STK32B: variants seen among roughly 807,000 people sequenced by gnomAD.
The protein encoded by STK32B is serine/threonine-protein kinase 32B.
Under a neutral mutation model 52.6 loss-of-function variants are expected in STK32B, and 43 were observed. The observed-to-expected ratio is 0.82, with a 90% CI of 0.64 to 1.05. The LOEUF is 1.05. Among genes scored for constraint, STK32B ranks in the 50% least tolerant of loss-of-function variants. The pLI, the probability that STK32B is intolerant of heterozygous loss-of-function variation, is 0.00. For synonymous variants in STK32B, 238 were observed against 204.3 expected, an observed-to-expected ratio of 1.17 and a Z score of -1.41; for missense variants, 621 against 534.6, an observed-to-expected ratio of 1.16 and a Z score of -1.59.
intron 6 of STK32B, among the ~76,000 whole-genome samples, chr4:5,444,849 C>T (rs1340331311): frequency 6.6e-6 from 1 of 152,234 alleles, no homozygotes; most frequent in Non-Finnish European, 1.5e-5. Flanking sequence ...TAACAGGTAA[C>T]TCCAGCAGCA....
intron 3 of STK32B, among the ~76,000 whole-genome samples, chr4:5,198,942 T>G (rs1721911094): frequency 6.6e-6 from 1 of 150,508 alleles, no homozygotes; most frequent in Non-Finnish European, 1.5e-5. Flanking sequence ...TGTACTTTTG[T>G]ATGAGGTGCA....
chr4:5,400,983 G>C lies in STK32B; in HGVS notation c.472+2739G>C, dbSNP rs1243220517. ...AAGGTGTGTGCGGGGTTGTCTTAGA[G>C]GCAGCCGCATGACAGTGGGATCCTG... is the stretch of plus-strand genomic sequence containing the variant. On this transcript the variant is annotated intron_variant, in intron 5 of 11. Transcript: ENST00000282908. The surrounding 1 kb of genome is among the most constrained non-coding windows in gnomAD (Gnocchi z 6.1). Among the ~76,000 whole-genome samples the C allele has an allele frequency of 6.6e-6, 1 of 152,258 alleles. No individual in the cohort carries two copies. The highest frequency in any genetic ancestry group is 2.1e-4 in the South Asian group (1 of 4,816).
At chr4:5,387,206 T>G (rs1210623726) in intron 4 of STK32B, among the ~76,000 whole-genome samples, 5 of 152,316 alleles carry the variant, frequency 3.3e-5, no homozygotes. Flanking sequence ...CTGATTGGCC[T>G]TGTACGGAAG....
chr4:5,301,386 C>T (rs1230479843), intron 3 of STK32B, among the ~76,000 whole-genome samples: 1 of 152,060 alleles, frequency 6.6e-6, no homozygotes, highest in African/African-American at 2.4e-5. Context: ...GTGAAGCCAT[C>T]TGAGTCTGGG....
chr4:5,491,242 C>A (rs971935811), intron 11 of STK32B, among the ~76,000 whole-genome samples: 9 of 152,154 alleles, frequency 5.9e-5, no homozygotes, highest in Admixed American at 5.2e-4. Context: ...CCTGTTGTTT[C>A]CTGACTTTTT....
chr4:5,392,222 G>A lies in STK32B; in HGVS notation c.435-5985G>A, dbSNP rs182533540. On this transcript the variant is annotated intron_variant, in intron 4 of 11. Transcript: ENST00000282908. ...GGCCGAGGCGGGTGGATCACTTGAGGTCAGGAGTTTGAGACCAGCATGGTG... is the reference window on the plus strand; with the variant it reads ...GGCCGAGGCGGGTGGATCACTTGAGATCAGGAGTTTGAGACCAGCATGGTG... 2.0e-5 allele frequency among the ~76,000 whole-genome samples: 3 copies of A among 152,240 alleles called. No individual in the cohort carries two copies. In the East Asian group the frequency reaches 5.8e-4, roughly 29 times the overall value.
chr4:5,081,964 C>G (rs962796614), intron 1 of STK32B, among the ~76,000 whole-genome samples: 1 of 152,136 alleles, frequency 6.6e-6, no homozygotes, highest in Non-Finnish European at 1.5e-5. Context: ...TTGTTTGTTT[C>G]TGGCACCCTT....
At chr4:5,123,802 A>T (rs994255093) in intron 1 of STK32B, among the ~76,000 whole-genome samples, 2 of 151,808 alleles carry the variant, frequency 1.3e-5, no homozygotes. Flanking sequence ...GATTCAGCAC[A>T]TGAGTTTTGG....
intron 3 of STK32B, among the ~76,000 whole-genome samples, chr4:5,281,830 ATTCTAT>A (rs1301257644): frequency 6.6e-6 from 1 of 152,154 alleles, no homozygotes; most frequent in Non-Finnish European, 1.5e-5. Context: ...CATTGAACAG[ATTCTAT>A]TTCTTAAGTT....
intron 1 of STK32B, among the ~76,000 whole-genome samples, chr4:5,108,893 G>A (rs1210777355): frequency 3.3e-5 from 5 of 152,124 alleles, no homozygotes; most frequent in Admixed American, 2.6e-4. Context: ...GAATAGTTAC[G>A]TTACATCTGC....
chr4:5,245,658 T>C (rs559996354), intron 3 of STK32B, among the ~76,000 whole-genome samples: 77 of 152,328 alleles, frequency 5.1e-4, no homozygotes, highest in African/African-American at 1.8e-3. Context: ...ATGCAGTTTC[T>C]TCCTAGCCTC....
In STK32B at chr4:5,226,666, G is replaced by A. The variant is rs568862975; in HGVS notation, c.260+58216G>A. On this transcript the variant is annotated intron_variant, in intron 3 of 11. Coordinates refer to ENST00000282908, the MANE Select transcript of STK32B (RefSeq NM_018401.3). ...TCCAAGTAGCCCTTACTTAATAACG[G>A]CCCCAAAGCACAAGAGAAGTGAAGT... Among the ~76,000 whole-genome samples, 29 of 152,222 alleles carry A rather than the reference G, an allele frequency of 1.9e-4. No homozygotes were observed. The South Asian group carries it at 2.1e-3, about 11-fold the overall frequency.
At chr4:5,442,827 T>G (rs1205821407) in intron 6 of STK32B, among the ~76,000 whole-genome samples, 1 of 152,226 alleles carries the variant, frequency 6.6e-6, no homozygotes, top group Non-Finnish European at 1.5e-5. Context: ...CAGCATTTGC[T>G]TGTCTGTAAA....
At chr4:5,195,416 G>A (rs1721565202) in intron 3 of STK32B, among the ~76,000 whole-genome samples, 1 of 152,178 alleles carries the variant, frequency 6.6e-6, no homozygotes, top group Admixed American at 6.5e-5. Flanking sequence ...GAATGGGCCG[G>A]GTGCAGTGGC....
At chr4:5,463,486 ACT>A (rs1409265629) in intron 9 of STK32B, among the ~76,000 whole-genome samples, 1 of 151,998 alleles carries the variant, frequency 6.6e-6, no homozygotes, top group African/African-American at 2.4e-5. Context: ...ACTCAGTCAC[ACT>A]CACACATAGA....
intron 11 of STK32B, among the ~76,000 whole-genome samples, chr4:5,482,292 G>A (rs1718781491): frequency 6.6e-6 from 1 of 152,150 alleles, no homozygotes; most frequent in South Asian, 2.1e-4. Flanking sequence ...TCTTGAAGAG[G>A]TTCTTCACAT....
intron 3 of STK32B, among the ~76,000 whole-genome samples, chr4:5,330,849 T>A (rs1732191647): frequency 6.6e-6 from 1 of 152,174 alleles, no homozygotes; most frequent in African/African-American, 2.4e-5. Context: ...GAGGGGAGTG[T>A]GTCTTTGGAG....
intron 3 of STK32B, among the ~76,000 whole-genome samples, chr4:5,274,601 C>T (rs533637058): frequency 6.6e-6 from 1 of 152,272 alleles, no homozygotes; most frequent in East Asian, 1.9e-4. Flanking sequence ...AATAGCCAAT[C>T]ATCTATTGTC....
chr4:5,338,500 C>G (rs1732855335), intron 4 of STK32B, among the ~76,000 whole-genome samples: 1 of 152,150 alleles, frequency 6.6e-6, no homozygotes, highest in Admixed American at 6.5e-5. Flanking sequence ...ATGTGTCATT[C>G]ATGAATTACT....
Sources: allele counts gnomAD v4.1 joint callset (sites outside exome capture counted in the v4.1 genomes callset), GRCh38; gene constraint gnomAD v4.1.1; non-coding constraint Gnocchi (gnomAD v3.1); transcripts MANE v1.5; gene names NCBI Gene and HGNC (gene_info 2026-07-23, HGNC 2026-07-21).